SORBS2: variants seen among roughly 807,000 people sequenced by gnomAD.
SORBS2 encodes the protein sorbin and SH3 domain containing 2, also known as sorbin and SH3 domain-containing protein 2.
In SORBS2, 46 loss-of-function variants were observed where a neutral mutation model predicts 97.7. The observed-to-expected ratio is 0.47, with a 90% CI of 0.37 to 0.60. The LOEUF (loss-of-function observed/expected upper bound fraction) is 0.60. SORBS2 is among the 20% of genes least tolerant of loss of function. The pLI is 0.00. For missense variants in SORBS2, 1,316 were observed against 1,282.3 expected, an observed-to-expected ratio of 1.03 and a Z score of -0.40; for synonymous variants, 476 against 473.4, an observed-to-expected ratio of 1.01 and a Z score of -0.07.
chr4:185,743,500 G>A (rs994938259), intron 2 of SORBS2, among the ~76,000 whole-genome samples: 2 of 152,134 alleles, frequency 1.3e-5, no homozygotes, highest in Non-Finnish European at 2.9e-5. Context: ...CATTGCTGAG[G>A]ATGAAAACAT....
chr4:185,637,607 G>T (rs2097038421), intron 4 of SORBS2, among the ~76,000 whole-genome samples: 1 of 151,978 alleles, frequency 6.6e-6, no homozygotes, highest in Non-Finnish European at 1.5e-5. Context: ...AACCCCTCCA[G>T]TCCCCATTTT....
rs1219305671 is a variant in SORBS2 at position 185,731,877 on chromosome 4, T to C, written c.-198+43350A>G. 7.6e-3 allele frequency among the ~76,000 whole-genome samples: 231 copies of C among 30,198 alleles called. 3 individuals carry two copies. The highest frequency in any genetic ancestry group is 0.034 in the Middle Eastern group (2 of 58). The allele number at this position is 30,198 out of a possible 152,430, so 19.8% of individuals were successfully genotyped here. ...CTCTCTCTCTCTCTCTATATATATATATATATATATATATATATATATATA... is the reference window on the plus strand; with the variant it reads ...CTCTCTCTCTCTCTCTATATATATACATATATATATATATATATATATATA... On this transcript the variant is annotated intron_variant, in intron 2 of 20. Coordinates refer to the SORBS2 transcript ENST00000284776.
chr4:185,904,514 T>G (rs988901539), intron 1 of SORBS2, among the ~76,000 whole-genome samples: 2 of 152,174 alleles, frequency 1.3e-5, no homozygotes, highest in African/African-American at 4.8e-5. Context: ...ACTTGGCCTG[T>G]ATGTAATATC....
intron 4 of SORBS2, 124 bp from the exon 16 acceptor site, chr4:185,635,535 C>A: frequency 1.4e-6 from 1 of 694,902 alleles, no homozygotes; most frequent in Non-Finnish European, 2.5e-6. Flanking sequence ...ACAGCACCAG[C>A]TACACAAACA....
intron 2 of SORBS2, among the ~76,000 whole-genome samples, chr4:185,709,302 A>ATTTTTTTT (rs1562045505): frequency 7.1e-5 from 3 of 42,202 alleles, no homozygotes; most frequent in African/African-American, 1.9e-4. Flanking sequence ...TGCTGGCCAA[A>ATTTTTTTT]TCTTTTTTTT....
intron 1 of SORBS2, among the ~76,000 whole-genome samples, chr4:185,864,900 A>C (rs2099225911): frequency 6.9e-6 from 1 of 144,308 alleles, no homozygotes. Flanking sequence ...CGATAGAGTG[A>C]GACTCTGTCT....
chr4:185,935,809 GAC>G lies in SORBS2; in HGVS notation c.-338+20385_-338+20386del, dbSNP rs1030058526. ...GCATCATGGGAGAATGTGGAAAAGA[GAC>G]ACAGGCTGCCTTTGAAAATTAAGTG... On this transcript the variant is annotated intron_variant, in intron 1 of 20. Transcript: ENST00000284776. Among the ~76,000 whole-genome samples, 3 of 152,184 alleles carry G rather than the reference GAC, an allele frequency of 2.0e-5. No individual in the cohort carries two copies. In the East Asian group the frequency reaches 5.8e-4, roughly 30 times the overall value.
chr4:185,669,310 T>C (rs1400967636), intron 4 of SORBS2, among the ~76,000 whole-genome samples: 1 of 152,212 alleles, frequency 6.6e-6, no homozygotes, highest in Admixed American at 6.5e-5. Flanking sequence ...GGAAGTCATG[T>C]TCCCCCTCAA....
In SORBS2 at chr4:185,670,048, G is replaced by A. The variant is rs187442528; in HGVS notation, c.-45-7806C>T. 2.7e-3 allele frequency among the ~76,000 whole-genome samples: 410 copies of A among 152,016 alleles called. 2 individuals carry two copies. The highest frequency in any genetic ancestry group is 9.6e-3 in the African/African-American group (399 of 41,468). Reference sequence around the variant, plus strand: ...AGCCTGGACAACATGGTGAAACCCCGTCTCTACTAAAAATACAAAAATTAG... The same window carrying A: ...AGCCTGGACAACATGGTGAAACCCCATCTCTACTAAAAATACAAAAATTAG... On this transcript the variant is annotated intron_variant, in intron 4 of 20. Coordinates refer to the SORBS2 transcript ENST00000284776.
chr4:185,901,363 C>T (rs1188290323), intron 1 of SORBS2, among the ~76,000 whole-genome samples: 8 of 152,018 alleles, frequency 5.3e-5, no homozygotes, highest in East Asian at 1.9e-4. Context: ...CCACCACGGT[C>T]GGCTAATTTT....
intron 1 of SORBS2, among the ~76,000 whole-genome samples, chr4:185,779,482 G>A (rs1010055047): frequency 2.6e-5 from 4 of 152,188 alleles, no homozygotes; most frequent in Non-Finnish European, 5.9e-5. Context: ...AAAAGATACT[G>A]TGGTGATTTC....
chr4:185,829,300 A>G (rs1261130432), intron 1 of SORBS2, among the ~76,000 whole-genome samples: 1 of 152,228 alleles, frequency 6.6e-6, no homozygotes, highest in Non-Finnish European at 1.5e-5. Context: ...TTTTTAAGCC[A>G]TATCTTCCCT....
At chr4:185,738,321 C>T (rs1298822733) in intron 2 of SORBS2, among the ~76,000 whole-genome samples, 2 of 152,112 alleles carry the variant, frequency 1.3e-5, no homozygotes, top group Admixed American at 6.5e-5. Context: ...AGATGACAGG[C>T]GAGGCATTCC....
At chr4:185,797,979 G>T (rs978239580) in intron 1 of SORBS2, among the ~76,000 whole-genome samples, 1 of 152,152 alleles carries the variant, frequency 6.6e-6, no homozygotes, top group East Asian at 1.9e-4. Flanking sequence ...TTGTGATGCT[G>T]CGGGATTATC....
chr4:185,679,234 T>C (rs1302124383), intron 2 of SORBS2, among the ~76,000 whole-genome samples: 2 of 152,198 alleles, frequency 1.3e-5, no homozygotes, highest in Admixed American at 6.5e-5. Context: ...ATTTAACTCC[T>C]GTGTTACAGA....
At chr4:185,923,407 C>G (rs1394451815) in intron 1 of SORBS2, among the ~76,000 whole-genome samples, 1 of 151,894 alleles carries the variant, frequency 6.6e-6, no homozygotes, top group Non-Finnish European at 1.5e-5. Flanking sequence ...ATCCTCCTGC[C>G]TCAGCCTCCT....
At chr4:185,845,254 A>G (rs1365291446) in intron 1 of SORBS2, among the ~76,000 whole-genome samples, 1 of 152,134 alleles carries the variant, frequency 6.6e-6, no homozygotes, top group African/African-American at 2.4e-5. Context: ...TTCCCGGCTC[A>G]AGCGATCCTC....
intron 5 of SORBS2, among the ~76,000 whole-genome samples, chr4:185,628,091 G>C (rs2096847602): frequency 6.6e-6 from 1 of 152,110 alleles, no homozygotes; most frequent in African/African-American, 2.4e-5. Context: ...CCTATTGAAG[G>C]ACATCTTGGT....
At chr4:185,622,584 C>T (rs1330037034) in intron 7 of SORBS2, among the ~76,000 whole-genome samples, 2 of 152,182 alleles carry the variant, frequency 1.3e-5, no homozygotes, top group African/African-American at 4.8e-5. Flanking sequence ...GGTTTTGATT[C>T]ATGTCACAAC....
Sources: allele counts gnomAD v4.1 joint callset (sites outside exome capture counted in the v4.1 genomes callset), GRCh38; gene constraint gnomAD v4.1.1; transcripts MANE v1.5; gene names NCBI Gene and HGNC (gene_info 2026-07-23, HGNC 2026-07-21).